TMEM132B: variants seen among roughly 807,000 people sequenced by gnomAD.
TMEM132B encodes the protein transmembrane protein 132B.
In TMEM132B, 18 loss-of-function variants were observed where a neutral mutation model predicts 90.8. That is an observed-to-expected ratio of 0.20 (90% CI 0.14 to 0.29). The LOEUF (loss-of-function observed/expected upper bound fraction) is 0.29, where lower values mean the gene tolerates loss of function less well. Ranked by LOEUF, TMEM132B falls within the 10% of genes least tolerant of loss-of-function variation. The pLI, the probability that TMEM132B is intolerant of heterozygous loss-of-function variation, is 1.00. For missense variants in TMEM132B, 1,096 were observed against 1,326.8 expected (o/e 0.83, Z 2.70); for synonymous variants, 504 against 523.3 (o/e 0.96, Z 0.50).
chr12:125,419,991 A>T (rs999535484), intron 3 of TMEM132B, among the ~76,000 whole-genome samples: 6 of 152,214 alleles, frequency 3.9e-5, no homozygotes, highest in Admixed American at 1.3e-4. Flanking sequence ...CTGATGCAAA[A>T]GGTAGGTTCC....
At chr12:125,606,741 C>G (rs1049764416) in intron 5 of TMEM132B, among the ~76,000 whole-genome samples, 1 of 152,216 alleles carries the variant, frequency 6.6e-6, no homozygotes, top group African/African-American at 2.4e-5. Flanking sequence ...CCTCAGGCAG[C>G]AACAGCTCCA....
Position 125,408,143 on chromosome 12 carries a change from T to C in TMEM132B, c.960-7388T>C, listed in dbSNP as rs1304559755. On this transcript the variant is annotated intron_variant, in intron 2 of 8. Coordinates refer to ENST00000682704, the MANE Select transcript of TMEM132B (RefSeq NM_001366854.1). This position sits in a 1 kb window ranked among gnomAD's most constrained non-coding sequence, Gnocchi z 5.9. ...TTGCACAGTGCGCGCTTTTGGTACC[T>C]GGCTTCTTCCACTCAGCTGTGTATT... 1.3e-5 allele frequency among the ~76,000 whole-genome samples: 2 copies of C among 152,224 alleles called. No individual in the cohort carries two copies. Among genetic ancestry groups the C allele is most frequent in the African/African-American group, 2.4e-5 (1 of 41,452 alleles).
chr12:125,566,053 T>C (rs1884651052), intron 4 of TMEM132B, among the ~76,000 whole-genome samples: 1 of 152,336 alleles, frequency 6.6e-6, no homozygotes, highest in South Asian at 2.1e-4. Flanking sequence ...TATGGCTACT[T>C]AGGGAAATTG....
At chr12:125,258,681 G>A (rs1410144985) in intron 1 of TMEM132B, among the ~76,000 whole-genome samples, 1 of 152,132 alleles carries the variant, frequency 6.6e-6, no homozygotes, top group Non-Finnish European at 1.5e-5. Flanking sequence ...CCCACTTCTT[G>A]GTGGGAAGAA....
At chr12:125,222,549 C>G (rs1873584200) in intron 1 of TMEM132B, among the ~76,000 whole-genome samples, 1 of 152,168 alleles carries the variant, frequency 6.6e-6, no homozygotes, top group African/African-American at 2.4e-5. Context: ...CTTGGAACTG[C>G]TTCAGGTATT....
At chr12:125,646,964 A>G (rs1886779139) in intron 6 of TMEM132B, among the ~76,000 whole-genome samples, 1 of 152,234 alleles carries the variant, frequency 6.6e-6, no homozygotes, top group Non-Finnish European at 1.5e-5. Context: ...GGAAATTACA[A>G]ATAGCCTTGG....
At chr12:125,545,440 T>A (rs1332655182) in intron 4 of TMEM132B, among the ~76,000 whole-genome samples, 1 of 152,204 alleles carries the variant, frequency 6.6e-6, no homozygotes, top group Non-Finnish European at 1.5e-5. Flanking sequence ...CCAGTGTGGA[T>A]GTCCACTGTC....
chr12:125,491,662 A>T (rs1882355324), intron 3 of TMEM132B, among the ~76,000 whole-genome samples: 1 of 152,222 alleles, frequency 6.6e-6, no homozygotes, highest in African/African-American at 2.4e-5. Flanking sequence ...GGAGTGGAAT[A>T]TTCTGCTATG....
chr12:125,330,312 C>T (rs1353367685), intron 1 of TMEM132B, among the ~76,000 whole-genome samples: 2 of 145,906 alleles, frequency 1.4e-5, no homozygotes, highest in East Asian at 2.0e-4. Flanking sequence ...ATAGAGTAGT[C>T]GTGCTTTGTT....
intron 3 of TMEM132B, among the ~76,000 whole-genome samples, chr12:125,491,577 C>T (rs1331419382): frequency 2.0e-5 from 3 of 152,232 alleles, no homozygotes; most frequent in Non-Finnish European, 2.9e-5. Flanking sequence ...CAAATTACTT[C>T]TGCAAGAGCT....
intron 1 of TMEM132B, among the ~76,000 whole-genome samples, chr12:125,247,607 C>G (rs939111220): frequency 1.3e-5 from 2 of 152,190 alleles, no homozygotes; most frequent in African/African-American, 4.8e-5. Context: ...AGATAACATC[C>G]TGGCCAATCA....
chr12:125,286,997 C>T (rs1875376620), intron 1 of TMEM132B, among the ~76,000 whole-genome samples: 1 of 149,450 alleles, frequency 6.7e-6, no homozygotes, highest in South Asian at 2.1e-4. Context: ...GCCACCAGGT[C>T]TGGCCAGAAT....
At chr12:125,329,232 A>G (rs1876690985) in intron 1 of TMEM132B, among the ~76,000 whole-genome samples, 1 of 152,234 alleles carries the variant, frequency 6.6e-6, no homozygotes, top group South Asian at 2.1e-4. Flanking sequence ...ACCAGACATC[A>G]AATCTGCTGG....
At chr12:125,553,183 A>C (rs909731108) in intron 4 of TMEM132B, among the ~76,000 whole-genome samples, 2 of 152,228 alleles carry the variant, frequency 1.3e-5, no homozygotes, top group Non-Finnish European at 1.5e-5. Flanking sequence ...TTTAGGGACT[A>C]ATAGCTTCTC....
chr12:125,524,167 C>T (rs921897831), intron 4 of TMEM132B, among the ~76,000 whole-genome samples: 2 of 152,218 alleles, frequency 1.3e-5, no homozygotes, highest in Non-Finnish European at 2.9e-5. Context: ...GCAAGAGTAC[C>T]TCTTCTGTCT....
rs1338796815 is a variant in TMEM132B at position 125,618,543 on chromosome 12, G to A, written c.1438-25533G>A. Among the ~76,000 whole-genome samples the A allele has an allele frequency of 5.3e-5, 8 of 152,306 alleles. 1 individual carries two copies. In the Middle Eastern group the frequency reaches 0.01, roughly 194 times the overall value. On this transcript the variant is annotated intron_variant, in intron 5 of 8. Coordinates refer to ENST00000682704, the MANE Select transcript of TMEM132B (RefSeq NM_001366854.1). ...TGAGTAGTGTGGAAGAAGGAAGTGG[G>A]TTCTGGCTCATGTGCCACTTGCTCT...
chr12:125,494,068 A>G (rs1466863825), intron 3 of TMEM132B, among the ~76,000 whole-genome samples: 5 of 46,194 alleles, frequency 1.1e-4, no homozygotes, highest in African/African-American at 1.7e-4. Flanking sequence ...CTGGAAATGG[A>G]TGCGTCCCTC....
At chr12:125,193,919 A>T (rs1372972640) in intron 1 of TMEM132B, among the ~76,000 whole-genome samples, 2 of 152,238 alleles carry the variant, frequency 1.3e-5, no homozygotes, top group East Asian at 3.8e-4. Context: ...GGAGCTGGTC[A>T]TCGCTTTCCT....
intron 3 of TMEM132B, among the ~76,000 whole-genome samples, chr12:125,462,993 C>A (rs1881479279): frequency 6.6e-6 from 1 of 152,196 alleles, no homozygotes; most frequent in South Asian, 2.1e-4. Flanking sequence ...AGAAAGCTAA[C>A]TGGTCTCTAT....
Sources: gnomAD v4.1 joint callset for allele counts (sites outside exome capture counted in the v4.1 genomes callset) on GRCh38, gnomAD v4.1.1 for gene constraint, Gnocchi (gnomAD v3.1) non-coding constraint, MANE v1.5 for transcripts, NCBI Gene and HGNC (gene_info 2026-07-23, HGNC 2026-07-21) for gene names.